The following MYT1L variants were observed in gnomAD, a reference collection of about 807,000 sequenced individuals.
The protein encoded by MYT1L is myelin transcription factor 1 like, also known as myelin transcription factor 1-like protein.
MYT1L carries 12 observed loss-of-function variants against 126.7 expected under a neutral mutation model. That is an observed-to-expected ratio of 0.09 (90% CI 0.06 to 0.15). The LOEUF (loss-of-function observed/expected upper bound fraction) is 0.15. MYT1L is among the 10% of genes least tolerant of loss of function. The probability of loss-of-function intolerance (pLI) is 1.00; values close to 1 mark genes in which losing one functional copy is unlikely to be tolerated. For missense variants in MYT1L, 979 were observed against 1,585.2 expected (o/e 0.62, Z 6.49); for synonymous variants, 541 against 604.2 (o/e 0.90, Z 1.53).
chr2:2,264,654 G>A (rs1312535082), intron 2 of MYT1L, among the ~76,000 whole-genome samples: 1 of 152,046 alleles, frequency 6.6e-6, no homozygotes, highest in African/African-American at 2.4e-5. Context: ...TCCTCCTGTG[G>A]GCTGAGGACG....
At position 2,054,050 on chromosome 2, in the gene MYT1L, T is replaced by C. The variant is rs1034478888; in HGVS notation, c.-230A>G. ...ACCTTTCTTGATGGAATTTTGTTGA[T>C]AGCTTGAAAGATGCAAACACTTGAT... is the stretch of plus-strand genomic sequence containing the variant. On this transcript the variant is annotated 5_prime_UTR_variant, in exon 4 of 25. Transcript: ENST00000647738. 2 of 152,706 alleles carry C rather than the reference T, an allele frequency of 1.3e-5. No individual in the cohort carries two copies. Among genetic ancestry groups the C allele is most frequent in the African/African-American group, 4.8e-5 (2 of 41,470 alleles). The allele number at this position is 152,706 out of a possible 1,614,324, so 9.5% of individuals were successfully genotyped here.
chr2:1,938,904 T>G (rs1225902785), intron 9 of MYT1L, among the ~76,000 whole-genome samples: 1 of 152,244 alleles, frequency 6.6e-6, no homozygotes, highest in Non-Finnish European at 1.5e-5. Flanking sequence ...TTCTATAACC[T>G]GTGGGTTCCT....
chr2:2,009,746 G>A (rs1283952886), intron 4 of MYT1L, among the ~76,000 whole-genome samples: 1 of 152,150 alleles, frequency 6.6e-6, no homozygotes, highest in Non-Finnish European at 1.5e-5. Context: ...ATCCCATGCT[G>A]AATAGAAGTG....
chr2:1,884,895 G>A (rs1246730863), intron 18 of MYT1L, among the ~76,000 whole-genome samples: 2 of 152,206 alleles, frequency 1.3e-5, no homozygotes, highest in African/African-American at 4.8e-5. Context: ...ACACCATCTT[G>A]CAAGATGAAG....
chr2:2,140,775 G>C (rs2083858143), intron 3 of MYT1L, among the ~76,000 whole-genome samples: 1 of 152,030 alleles, frequency 6.6e-6, no homozygotes, highest in Admixed American at 6.6e-5. Context: ...CACTATATTG[G>C]CCAGTTTGGT....
chr2:2,209,986 A>T (rs540863819), intron 2 of MYT1L, among the ~76,000 whole-genome samples: 62 of 152,270 alleles, frequency 4.1e-4, no homozygotes, highest in African/African-American at 1.5e-3. Flanking sequence ...AGCCATTTTA[A>T]GTGGGGTAAG....
chr2:2,015,650 G>C (rs1330000554), intron 4 of MYT1L, among the ~76,000 whole-genome samples: 2 of 152,190 alleles, frequency 1.3e-5, no homozygotes. Flanking sequence ...TTTAGAGATA[G>C]GGAAAACCAC....
At chr2:1,961,288 CT>C (rs1486417759) in intron 8 of MYT1L, among the ~76,000 whole-genome samples, 1 of 152,192 alleles carries the variant, frequency 6.6e-6, no homozygotes, top group Non-Finnish European at 1.5e-5. Flanking sequence ...CAAAACCACA[CT>C]TGTGCCCCTC....
At chr2:2,200,858 G>T (rs1039951345) in intron 2 of MYT1L, among the ~76,000 whole-genome samples, 1 of 152,186 alleles carries the variant, frequency 6.6e-6, no homozygotes, top group Non-Finnish European at 1.5e-5. Flanking sequence ...ACCCAGCATG[G>T]TAAGCAAATG....
intron 18 of MYT1L, among the ~76,000 whole-genome samples, chr2:1,872,207 C>T (rs748965217): frequency 2.0e-5 from 3 of 152,120 alleles, no homozygotes; most frequent in East Asian, 1.9e-4. Context: ...ATCATTGTCT[C>T]GGAGAGCTAT....
chr2:1,862,420 C>T (rs1372907084), intron 18 of MYT1L, among the ~76,000 whole-genome samples: 2 of 152,156 alleles, frequency 1.3e-5, no homozygotes, highest in Non-Finnish European at 2.9e-5. Flanking sequence ...CTCTTCTTGC[C>T]GGTTCCCTTG....
At chr2:2,274,539 T>C (rs2095323259) in intron 2 of MYT1L, among the ~76,000 whole-genome samples, 1 of 152,178 alleles carries the variant, frequency 6.6e-6, no homozygotes, top group African/African-American at 2.4e-5. Flanking sequence ...CTATTGCTAG[T>C]ATTGGAAGAT....
At chr2:1,843,312 G>A (rs527912002) in intron 19 of MYT1L, among the ~76,000 whole-genome samples, 12 of 152,304 alleles carry the variant, frequency 7.9e-5, no homozygotes, top group African/African-American at 2.4e-4. Context: ...GTTCCTCTGC[G>A]GTTCCCCAAT....
intron 18 of MYT1L, among the ~76,000 whole-genome samples, chr2:1,853,601 G>A (rs947597186): frequency 2.0e-5 from 3 of 152,206 alleles, no homozygotes; most frequent in Non-Finnish European, 2.9e-5. Flanking sequence ...CGTGGTGCAT[G>A]TATCTGTATT....
intron 1 of MYT1L, chr2:2,325,258 A>T (rs1415689478): frequency 6.6e-6 from 1 of 152,222 alleles, no homozygotes; most frequent in African/African-American, 2.4e-5. Flanking sequence ...CTTAAAATAA[A>T]AGAATGGTGA....
intron 21 of MYT1L, among the ~76,000 whole-genome samples, chr2:1,815,224 G>A (rs866522505): frequency 6.6e-6 from 1 of 152,186 alleles, no homozygotes; most frequent in Non-Finnish European, 1.5e-5. Context: ...TTGAGAGCCC[G>A]AGGTGAGGCC....
At chr2:1,953,554 T>G (rs2058073286) in intron 8 of MYT1L, among the ~76,000 whole-genome samples, 1 of 152,250 alleles carries the variant, frequency 6.6e-6, no homozygotes, top group South Asian at 2.1e-4. Context: ...CATCTAAGTG[T>G]CAACCACCTC....
rs541035303 is a variant in MYT1L, at chr2:1,991,857, G to A, written c.-1+5334C>T. On this transcript the variant is annotated intron_variant, in intron 5 of 24. Transcript: ENST00000647738. ...CGAAGACTAGGATTCTCTGGATCAC[G>A]TTCCCCCAAATTTCCATCTCTCGGG... Among the ~76,000 whole-genome samples, 8 of 152,116 alleles carry A rather than the reference G, an allele frequency of 5.3e-5. No individual in the cohort carries two copies. In the South Asian group the frequency reaches 1.2e-3, roughly 24 times the overall value.
intron 4 of MYT1L, among the ~76,000 whole-genome samples, chr2:2,031,602 T>C (rs1415839047): frequency 7.7e-6 from 1 of 130,472 alleles, no homozygotes; most frequent in Non-Finnish European, 1.6e-5. Flanking sequence ...GTGCCTCTCA[T>C]CCTGTGGCCC....
Sources: gnomAD v4.1 joint callset for allele counts (sites outside exome capture counted in the v4.1 genomes callset) on GRCh38, gnomAD v4.1.1 for gene constraint, MANE v1.5 for transcripts, NCBI Gene and HGNC (gene_info 2026-07-23, HGNC 2026-07-21) for gene names.